NUP93: variants seen among roughly 807,000 people sequenced by gnomAD.
NUP93 encodes nucleoporin 93.
Under a neutral mutation model 107.8 loss-of-function variants are expected in NUP93, and 55 were observed. That is an observed-to-expected ratio of 0.51 (90% CI 0.41 to 0.64). The LOEUF (loss-of-function observed/expected upper bound fraction) is 0.64, where lower values mean the gene tolerates loss of function less well. Ranked by LOEUF, NUP93 falls within the 30% of genes least tolerant of loss-of-function variation. The pLI is 0.00. For synonymous variants in NUP93, 390 were observed against 397.5 expected (o/e 0.98, Z 0.22); for missense variants, 937 against 1,044.7 (o/e 0.90, Z 1.42).
In NUP93 at chr16:56,839,570, A is replaced by C. The variant is rs746335792; in HGVS notation, c.2186A>C (p.Glu729Ala). Reference protein sequence around the residue: ...LVPLNQESVEERVAAFRNFSD... With the variant: ...LVPLNQESVEARVAAFRNFSD... Reference sequence around the variant, plus strand: ...CCCCTGAATCAGGAAAGTGTGGAAGAGAGAGTGGCTGCCTTCAGAAATTTC... The same window carrying C: ...CCCCTGAATCAGGAAAGTGTGGAAGCGAGAGTGGCTGCCTTCAGAAATTTC... Residue 729 changes from glutamate to alanine, a missense_variant, in exon 20 of 22, where the codon GAG becomes GCG. Transcript: ENST00000308159. 6.2e-6 allele frequency: 10 copies of C among 1,613,966 alleles called. No homozygotes were observed. The highest frequency in any genetic ancestry group is 1.3e-5 in the African/African-American group (1 of 74,916).
intron 1 of NUP93, among the ~76,000 whole-genome samples, chr16:56,739,351 C>T (rs201028472): frequency 4.6e-4 from 17 of 37,276 alleles, no homozygotes; most frequent in South Asian, 1.9e-3. Context: ...GGGGGCTGAC[C>T]CCCCCCACCT....
chr16:56,779,394 C>G (rs1336351212), intron 3 of NUP93, among the ~76,000 whole-genome samples: 1 of 152,130 alleles, frequency 6.6e-6, no homozygotes, highest in Non-Finnish European at 1.5e-5. Context: ...GTTTTTAACC[C>G]TTTTCTTTTT....
intron 3 of NUP93, chr16:56,782,114 A>T: frequency 1.0e-6 from 1 of 985,300 alleles, no homozygotes; most frequent in Non-Finnish European, 1.2e-6. Context: ...AAACTTGAGC[A>T]CTGGTTCCGA....
At chr16:56,786,871 G>C (rs1485061679) in intron 3 of NUP93, among the ~76,000 whole-genome samples, 1 of 152,200 alleles carries the variant, frequency 6.6e-6, no homozygotes, top group African/African-American at 2.4e-5. Context: ...TAGGTGAAAG[G>C]TTTTAGCTCG....
intron 15 of NUP93, 112 bp downstream of exon 15, chr16:56,834,554 GT>G: frequency 8.2e-7 from 1 of 1,218,754 alleles, no homozygotes; most frequent in Non-Finnish European, 1.2e-6. Flanking sequence ...GGCCTAGGGA[GT>G]TTTTGGAGTT....
chr16:56,750,154 T>C (rs1426930767), intron 2 of NUP93, among the ~76,000 whole-genome samples: 1 of 152,248 alleles, frequency 6.6e-6, no homozygotes, highest in Non-Finnish European at 1.5e-5. Flanking sequence ...TCATGCTCTC[T>C]TGTAAATTTC....
At position 56,748,395 on chromosome 16, in the gene NUP93, C is replaced by G. The variant is rs765922828; in HGVS notation, c.148C>G (p.Arg50Gly). Residue 50 changes from arginine (R) to glycine (G), a missense_variant, in exon 2 of 22, where the codon CGC (arginine) becomes GGC (glycine). Physicochemically the swap from Arg to Gly is moderately radical, Grantham distance 125. Coordinates refer to ENST00000308159, the MANE Select transcript of NUP93 (RefSeq NM_014669.5). The part of the protein sequence containing the change: ...GERLRSRTLT[R>G]TSQETADVKA... Reference sequence around the variant, plus strand: ...GCGCCTGCGTTCCCGTACCCTAACACGCACGTCCCAGGAGACGGCAGATGT... The same window carrying G: ...GCGCCTGCGTTCCCGTACCCTAACAGGCACGTCCCAGGAGACGGCAGATGT... The G allele has an allele frequency of 3.3e-5, 54 of 1,613,678 alleles. No homozygotes were observed. The highest frequency in any genetic ancestry group is 4.2e-5 in the Non-Finnish European group (50 of 1,179,922).
Sources: gnomAD v4.1 joint callset for allele counts (sites outside exome capture counted in the v4.1 genomes callset) on GRCh38, gnomAD v4.1.1 for gene constraint, MANE v1.5 for transcripts, NCBI Gene and HGNC (gene_info 2026-07-23, HGNC 2026-07-21) for gene names.